OPN4: variants seen among roughly 807,000 people sequenced by gnomAD.
OPN4 encodes melanopsin.
A neutral mutation model predicts 49.5 loss-of-function variants in OPN4; 43 were observed. The ratio of observed to expected loss-of-function variants is 0.87; its 90% confidence interval spans 0.68 to 1.12. The LOEUF (loss-of-function observed/expected upper bound fraction) is 1.12. OPN4 is among the 50% of genes most tolerant of loss of function. The pLI, the probability that OPN4 is intolerant of heterozygous loss-of-function variation, is 0.00. For synonymous variants in OPN4, 263 were observed against 258.0 expected, an observed-to-expected ratio of 1.02 and a Z score of -0.19; for missense variants, 657 against 643.9, an observed-to-expected ratio of 1.02 and a Z score of -0.22.
At position 86,659,963 on chromosome 10, in the gene OPN4, G is replaced by A. The variant is rs1201227281; in HGVS notation, c.869G>A (p.Ser290Asn). The A allele has an allele frequency of 4.3e-6, 7 of 1,614,118 alleles. No homozygotes were observed. The highest frequency in any genetic ancestry group is 1.3e-5 in the African/African-American group (1 of 74,958). Residue 290 changes from serine to asparagine, a missense_variant, in exon 6 of 10, where the codon AGC (serine) becomes AAC (asparagine). Transcript: ENST00000241891. ...CTGTGGCAGCGGCAGCGGCTGCAGA[G>A]CGAGTGCAAGATGGCCAAGATCATG... ...ESLWQRQRLQ[S>N]ECKMAKIMLL...
rs17106907 is a variant in OPN4 at position 86,666,212 on chromosome 10, C to T, written c.*461C>T. On this transcript the variant is annotated 3_prime_UTR_variant, in exon 10 of 10. Coordinates refer to ENST00000241891, the MANE Select transcript of OPN4 (RefSeq NM_033282.4). Reference sequence around the variant, plus strand: ...AGCCGAGCACAGACCTCCCTTTGCACGCTGGAACAGTTACTCACCTGTGGC... The same window carrying T: ...AGCCGAGCACAGACCTCCCTTTGCATGCTGGAACAGTTACTCACCTGTGGC... 904 of 201,154 alleles carry T rather than the reference C, an allele frequency of 4.5e-3. 11 individuals are homozygous for T. Among genetic ancestry groups the T allele is most frequent in the South Asian group, 0.038 (377 of 9,982 alleles). 12.5% of individuals were successfully genotyped at this position (201,154 alleles called of 1,614,324 possible). A position where few individuals can be genotyped will look rare whatever the true frequency, so the allele number is the denominator to read the frequency against.
chr10:86,666,169 C>T lies in OPN4; in HGVS notation c.*418C>T, dbSNP rs1844173624. The T allele has an allele frequency of 4.7e-6, 1 of 214,054 alleles. No homozygotes were observed. Among genetic ancestry groups the T allele is most frequent in the Admixed American group, 5.4e-5 (1 of 18,678 alleles). The allele number at this position is 214,054 out of a possible 1,614,324, so 13.3% of individuals were successfully genotyped here. On this transcript the variant is annotated 3_prime_UTR_variant, in exon 10 of 10. Coordinates refer to ENST00000241891, the MANE Select transcript of OPN4 (RefSeq NM_033282.4). ...GCATAGGAAGGCCAGCCCCGCATCT[C>T]CCACTGCCAACAGCTGAAGCCGAGC...
At chr10:86,660,738 G>C (rs1206806115) in intron 6 of OPN4, among the ~76,000 whole-genome samples, 1 of 152,124 alleles carries the variant, frequency 6.6e-6, no homozygotes, top group African/African-American at 2.4e-5. Context: ...AGGAACAGTG[G>C]ACCTGGGAAC....
At chr10:86,657,136 C>G in intron 2 of OPN4, 1 of 775,404 alleles carries the variant, frequency 1.3e-6, no homozygotes, top group South Asian at 1.4e-5. Flanking sequence ...CACCTGCCAG[C>G]TGAAGGACTG....
chr10:86,665,747 T>G lies in OPN4; in HGVS notation c.1433T>G (p.Met478Arg). Residue 478 changes from methionine to arginine, a missense_variant, in exon 10 of 10, where the codon ATG (methionine) becomes AGG (arginine). Coordinates refer to ENST00000241891, the MANE Select transcript of OPN4 (RefSeq NM_033282.4). The part of the protein sequence containing the change: ...KGLIPSQDPR[M>R] ...CTGATCCCCAGCCAGGACCCCAGGA[T>G]GTAGGACGCCCACTGGCTCTCCCTT... 2 of 1,613,218 alleles carry G rather than the reference T, an allele frequency of 1.2e-6. No individual in the cohort carries two copies. Among genetic ancestry groups the G allele is most frequent in the Middle Eastern group, 1.7e-4 (1 of 6,058 alleles).
chr10:86,659,255 T>C (rs3740334), intron 4 of OPN4, 42 bp from the exon 5 acceptor site: 243,619 of 1,528,104 alleles, frequency 0.16, 22,958 homozygotes, highest in East Asian at 0.48. Flanking sequence ...GGAGCCGTGG[T>C]CAGTGCCGCC....
In OPN4 at chr10:86,662,371, C is replaced by T. The variant is rs901204255; in HGVS notation, c.1193C>T (p.Ser398Phe). Residue 398 changes from serine to phenylalanine, a missense_variant, in exon 8 of 10, where the codon TCC becomes TTC. Transcript: ENST00000241891. ...CGCTCCACGCTGACCAGCCACACCT[C>T]CAACCTCAGCTGGATCTCCATACGG... ...THRSTLTSHT[S>F]NLSWISIRRR... 3.2e-6 allele frequency: 5 copies of T among 1,581,520 alleles called. No homozygotes were observed. The highest frequency in any genetic ancestry group is 2.3e-5 in the East Asian group (1 of 43,152).
At chr10:86,663,864 G>T in intron 9 of OPN4, 62 bp downstream of exon 9, 1 of 1,527,926 alleles carries the variant, frequency 6.5e-7, no homozygotes, top group Non-Finnish European at 8.8e-7. Flanking sequence ...AGTAGCCCAG[G>T]GAGAGGCCAG....
Position 86,663,786 on chromosome 10 carries a change from C to T in OPN4, c.1382C>T (p.Ala461Val). ...KAPPRPQGHEAETPGKTKGLI... is the reference protein window; with the variant it reads ...KAPPRPQGHEVETPGKTKGLI... ...CCCCCCAGACCCCAGGGACACGAAG[C>T]AGAGACTCCAGGGAAGGTGACTGGG... Residue 461 changes from alanine to valine, a missense_variant, in exon 9 of 10, where the codon GCA becomes GTA. Physicochemically the swap from Ala to Val is moderately conservative, Grantham distance 64. Coordinates refer to ENST00000241891, the MANE Select transcript of OPN4 (RefSeq NM_033282.4). 1 of 1,554,022 alleles carries T rather than the reference C, an allele frequency of 6.4e-7. No homozygotes were observed. The highest frequency in any genetic ancestry group is 8.7e-7 in the Non-Finnish European group (1 of 1,148,882).
At chr10:86,664,103 T>C (rs1378116455) in intron 9 of OPN4, 1 of 315,514 alleles carries the variant, frequency 3.2e-6, no homozygotes, top group Non-Finnish European at 5.9e-6. Context: ...CATGTGTGTG[T>C]TGATGAGGGT....
Position 86,662,251 on chromosome 10 carries a change from G to C in OPN4, c.1074-1G>C. 2.5e-6 allele frequency: 4 copies of C among 1,608,572 alleles called. No individual in the cohort carries two copies. The highest frequency in any genetic ancestry group is 3.4e-6 in the Non-Finnish European group (4 of 1,179,200). On this transcript the variant is annotated splice_acceptor_variant, in intron 7 of 9. Coordinates refer to ENST00000241891, the MANE Select transcript of OPN4 (RefSeq NM_033282.4). LOFTEE classifies it high-confidence loss of function. ...CCTAATCAGATGTGCGGCCCCTGCAGGGTGGCCATTGCCCAGCACCTGCCC... is the reference window on the plus strand; with the variant it reads ...CCTAATCAGATGTGCGGCCCCTGCACGGTGGCCATTGCCCAGCACCTGCCC...
In OPN4 at chr10:86,658,681, G is replaced by A. The variant is rs549998450; in HGVS notation, c.622G>A (p.Gly208Ser). ...ALAWSLPPFF[G>S]WSAYVPEGLL... ...GGCCTGGAGTCTGCCACCCTTCTTC[G>A]GCTGGAGTAAGTGGGCTGCTGGAAC... Residue 208 changes from glycine to serine, a missense_variant, in exon 4 of 10, where the codon GGC becomes AGC. By Grantham distance (56) the Gly-to-Ser change is moderately conservative (BLOSUM62 0). Coordinates refer to ENST00000241891, the MANE Select transcript of OPN4 (RefSeq NM_033282.4). 83 of 1,611,904 alleles carry A rather than the reference G, an allele frequency of 5.1e-5. No homozygotes were observed. The African/African-American group carries it at 6.5e-4, about 13-fold the overall frequency.
In OPN4 at chr10:86,661,272, C is replaced by A. The variant is rs759216086; in HGVS notation, c.966-9C>A. On this transcript the variant is annotated splice_polypyrimidine_tract_variant and intron_variant, in intron 6 of 9. Transcript: ENST00000241891. ...AGCTAGCTTGGGGACCACACCTTCTCTGTCCTAGGTACGCACACGTCCTGA... is the reference window on the plus strand; with the variant it reads ...AGCTAGCTTGGGGACCACACCTTCTATGTCCTAGGTACGCACACGTCCTGA... 9 of 1,611,814 alleles carry A rather than the reference C, an allele frequency of 5.6e-6. No individual in the cohort carries two copies. The highest frequency in any genetic ancestry group is 7.6e-6 in the Non-Finnish European group (9 of 1,178,140).
At position 86,659,355 on chromosome 10, in the gene OPN4, G is replaced by C; in HGVS notation, c.687G>C (p.Thr229=). Residue 229 remains threonine (T), a synonymous_variant, in exon 5 of 10, where the codon ACG becomes ACC. Coordinates refer to ENST00000241891, the MANE Select transcript of OPN4 (RefSeq NM_033282.4). ...TSCSWDYMSF[T]PAVRAYTMLL... is the part of the protein sequence containing the mutation. The stretch of plus-strand genomic sequence containing the variant: ...GCTCCTGGGACTACATGAGCTTCAC[G>C]CCGGCCGTGCGTGCCTACACCATGC... 1 of 1,613,874 alleles carries C rather than the reference G, an allele frequency of 6.2e-7. No individual in the cohort carries two copies. Among genetic ancestry groups the C allele is most frequent in the South Asian group, 1.1e-5 (1 of 91,080 alleles).
Position 86,654,629 on chromosome 10 carries a change from C to A in OPN4, c.-155C>A. The A allele has an allele frequency of 9.5e-7, 1 of 1,054,274 alleles. No individual in the cohort carries two copies. Among genetic ancestry groups the A allele is most frequent in the East Asian group, 2.5e-5 (1 of 40,400 alleles). The allele number at this position is 1,054,274 out of a possible 1,614,324, so 65.3% of individuals were successfully genotyped here. ...CGCCAGCCCCAAGAGCAGCTCCAGG[C>A]TGGATCTGCGCCGGACACAGGAGAA... On this transcript the variant is annotated 5_prime_UTR_variant, in exon 1 of 10. It adds an upstream start codon to the 5' untranslated region. Transcript: ENST00000241891.
At position 86,658,178 on chromosome 10, in the gene OPN4, G is replaced by A. The variant is rs752286086; in HGVS notation, c.424+13G>A. ...TTTGGGGAGACAGGTAGATGCTGGG[G>A]CTCCCTTTTGCTGGAGGGAGGAGGA... On this transcript the variant is annotated intron_variant, in intron 3 of 9. Transcript: ENST00000241891. The A allele has an allele frequency of 1.9e-6, 3 of 1,611,714 alleles. No homozygotes were observed. The highest frequency in any genetic ancestry group is 2.7e-5 in the African/African-American group (2 of 74,764).
intron 9 of OPN4, among the ~76,000 whole-genome samples, chr10:86,664,447 G>T (rs897456656): frequency 1.3e-5 from 2 of 152,174 alleles, no homozygotes; most frequent in African/African-American, 4.8e-5. Context: ...AGTGCCTATG[G>T]AACGGAATGT....
chr10:86,666,055 G>T lies in OPN4; in HGVS notation c.*304G>T, dbSNP rs979927778. On this transcript the variant is annotated 3_prime_UTR_variant, in exon 10 of 10. Coordinates refer to ENST00000241891, the MANE Select transcript of OPN4 (RefSeq NM_033282.4). ...TGCCTCTCCTCAAATGCTGTGTGCT[G>T]CAATTGTCCAGGCGATGACAATGGT... 5 of 437,602 alleles carry T rather than the reference G, an allele frequency of 1.1e-5. No individual in the cohort carries two copies. The Middle Eastern group carries it at 1.9e-3, about 166-fold the overall frequency. The allele number at this position is 437,602 out of a possible 1,614,324, so 27.1% of individuals were successfully genotyped here.
chr10:86,660,207 A>G, intron 6 of OPN4, 148 bp downstream of exon 6: 4 of 930,196 alleles, frequency 4.3e-6, no homozygotes, highest in Non-Finnish European at 6.4e-6. Flanking sequence ...TCCCTGGGTA[A>G]GGTGCCCAGC....
Sources: allele counts gnomAD v4.1 joint callset (sites outside exome capture counted in the v4.1 genomes callset), GRCh38; gene constraint gnomAD v4.1.1; transcripts MANE v1.5; gene names NCBI Gene and HGNC (gene_info 2026-07-23, HGNC 2026-07-21).